Variants in SCHIP1 observed in about 807,000 individuals in gnomAD.
SCHIP1 encodes the protein schwannomin interacting protein 1, also known as schwannomin-interacting protein 1.
SCHIP1 carries 8 observed loss-of-function variants against 29.7 expected under a neutral mutation model. The observed-to-expected ratio is 0.27, with a 90% CI of 0.16 to 0.49. The LOEUF (loss-of-function observed/expected upper bound fraction) is 0.49, where lower values mean the gene tolerates loss of function less well. SCHIP1 is among the 20% of genes least tolerant of loss of function. SCHIP1 has a pLI of 0.99. For missense variants in SCHIP1, 193 were observed against 294.6 expected, an observed-to-expected ratio of 0.66 and a Z score of 2.52; for synonymous variants, 76 against 94.9, an observed-to-expected ratio of 0.80 and a Z score of 1.16.
the SCHIP1 span, among the ~76,000 whole-genome samples, chr3:159,296,779 GA>G: frequency 0.021 from 2,789 of 135,374 alleles, 78 homozygotes; most frequent in African/African-American, 0.069. Flanking sequence ...GTCTCAAAAA[GA>G]AAAAAAAAAA....
At chr3:159,643,050 C>T in the SCHIP1 span, among the ~76,000 whole-genome samples, 4 of 151,908 alleles carry the variant, frequency 2.6e-5, no homozygotes, top group Non-Finnish European at 4.4e-5. Context: ...GAAAGGGCTA[C>T]TGGTTGGTTG....
chr3:159,686,244 C>T, the SCHIP1 span, among the ~76,000 whole-genome samples: 1 of 152,128 alleles, frequency 6.6e-6, no homozygotes, highest in Non-Finnish European at 1.5e-5. Context: ...GAGGCTGTAA[C>T]CACAGGAATA....
At chr3:159,887,730 C>T in exon 4 of SCHIP1, 1 of 1,613,998 alleles carries the variant, frequency 6.2e-7, no homozygotes, top group Non-Finnish European at 8.5e-7. Flanking sequence ...TCTTCCTATT[C>T]TGATAGAGAC....
chr3:159,591,968 C>T, the SCHIP1 span, among the ~76,000 whole-genome samples: 1 of 148,684 alleles, frequency 6.7e-6, no homozygotes, highest in East Asian at 1.9e-4. Flanking sequence ...ATGTGGAGGG[C>T]CCTCAAAAAA....
chr3:159,849,622 G>A (rs993509286), intron 1 of SCHIP1, among the ~76,000 whole-genome samples: 2 of 152,160 alleles, frequency 1.3e-5, no homozygotes, highest in Non-Finnish European at 2.9e-5. Flanking sequence ...TCAAGCTGTA[G>A]TCTGCAGAGT....
the SCHIP1 span, among the ~76,000 whole-genome samples, chr3:159,800,521 A>G: frequency 1.3e-5 from 2 of 152,340 alleles, no homozygotes; most frequent in Admixed American, 1.3e-4. Flanking sequence ...AAGAACGTGA[A>G]CTTTGCATCA....
At chr3:159,448,951 A>G in the SCHIP1 span, among the ~76,000 whole-genome samples, 1 of 152,202 alleles carries the variant, frequency 6.6e-6, no homozygotes, top group Non-Finnish European at 1.5e-5. Flanking sequence ...CTACTCCTAC[A>G]TAAAAATATT....
chr3:159,772,678 T>A, the SCHIP1 span, among the ~76,000 whole-genome samples: 1 of 152,238 alleles, frequency 6.6e-6, no homozygotes, highest in Non-Finnish European at 1.5e-5. Flanking sequence ...AGTGCTAAAG[T>A]AGTAATTCCA....
the SCHIP1 span, among the ~76,000 whole-genome samples, chr3:159,697,362 C>T: frequency 6.6e-6 from 1 of 152,042 alleles, no homozygotes; most frequent in Non-Finnish European, 1.5e-5. Flanking sequence ...GCAGTTTTGA[C>T]AGAAAGATGA....
At chr3:159,401,202 G>A in the SCHIP1 span, 1 of 954,898 alleles carries the variant, frequency 1.0e-6, no homozygotes, top group African/African-American at 1.8e-5. Flanking sequence ...ATAAATACAT[G>A]CTTTGTAATA....
chr3:159,822,091 G>A, the SCHIP1 span, among the ~76,000 whole-genome samples: 1 of 152,172 alleles, frequency 6.6e-6, no homozygotes, highest in Non-Finnish European at 1.5e-5. Flanking sequence ...TTGGAACTTT[G>A]TTGACTGTGG....
the SCHIP1 span, among the ~76,000 whole-genome samples, chr3:159,823,180 C>T: frequency 8.9e-3 from 1,357 of 152,098 alleles, 29 homozygotes; most frequent in African/African-American, 0.031. Context: ...TGAGGTGAAG[C>T]TTGATGGGGT....
chr3:159,679,652 G>A, the SCHIP1 span, among the ~76,000 whole-genome samples: 1 of 152,114 alleles, frequency 6.6e-6, no homozygotes, highest in Non-Finnish European at 1.5e-5. Context: ...ATACAAAAAG[G>A]GAGGGGGATT....
At chr3:159,370,188 T>C in the SCHIP1 span, among the ~76,000 whole-genome samples, 1 of 152,228 alleles carries the variant, frequency 6.6e-6, no homozygotes, top group African/African-American at 2.4e-5. Flanking sequence ...GCAGTAGCTG[T>C]TGAGGCTGTA....
the SCHIP1 span, among the ~76,000 whole-genome samples, chr3:159,554,513 G>A: frequency 6.6e-6 from 1 of 152,140 alleles, no homozygotes; most frequent in Non-Finnish European, 1.5e-5. Flanking sequence ...GCTAGGTTTA[G>A]TCAATGGGAG....
At chr3:159,761,485 T>C in the SCHIP1 span, among the ~76,000 whole-genome samples, 6 of 152,304 alleles carry the variant, frequency 3.9e-5, no homozygotes, top group East Asian at 1.2e-3. Flanking sequence ...AGACAGAATC[T>C]TTCAATCACT....
chr3:159,757,839 G>C, the SCHIP1 span, among the ~76,000 whole-genome samples: 1 of 152,186 alleles, frequency 6.6e-6, no homozygotes, highest in East Asian at 1.9e-4. Context: ...CACTGACAAT[G>C]CTATTTTCTG....
At chr3:159,511,604 T>G in the SCHIP1 span, among the ~76,000 whole-genome samples, 3 of 152,192 alleles carry the variant, frequency 2.0e-5, no homozygotes, top group African/African-American at 7.2e-5. Flanking sequence ...TCGGCCATCT[T>G]GGAACCGCAC....
the SCHIP1 span, among the ~76,000 whole-genome samples, chr3:159,425,822 C>G: frequency 2.0e-5 from 3 of 152,242 alleles, no homozygotes; most frequent in South Asian, 4.1e-4. Flanking sequence ...TGTAAAAGAA[C>G]AGAAATTATA....
Sources: gnomAD v4.1 joint callset for allele counts (sites outside exome capture counted in the v4.1 genomes callset) on GRCh38, gnomAD v4.1.1 for gene constraint, MANE v1.5 for transcripts, NCBI Gene and HGNC (gene_info 2026-07-23, HGNC 2026-07-21) for gene names.